HTD2: variants seen among roughly 807,000 people sequenced by gnomAD.
HTD2 encodes the protein hydroxyacyl-thioester dehydratase type 2, mitochondrial.
A neutral mutation model predicts 3.1 loss-of-function variants in HTD2; 1 was observed. The observed-to-expected ratio is 0.32, with a 90% CI of 0.11 to 1.52. The LOEUF (loss-of-function observed/expected upper bound fraction) is 1.52, where lower values mean the gene tolerates loss of function less well. Among genes scored for constraint, HTD2 ranks in the 40% most tolerant of loss-of-function variants. The pLI, the probability that HTD2 is intolerant of heterozygous loss-of-function variation, is 0.39. For synonymous variants in HTD2, 50 were observed against 28.9 expected (o/e 1.73, Z -2.34); for missense variants, 150 against 79.6 (o/e 1.88, Z -3.36).
At chr3:58,309,785 G>T (rs536539410) in intron 1 of HTD2, among the ~76,000 whole-genome samples, 1 of 152,222 alleles carries the variant, frequency 6.6e-6, no homozygotes, top group South Asian at 2.1e-4. Context: ...CCAGCTACTC[G>T]GGAGGCTGAG....
intron 2 of HTD2, among the ~76,000 whole-genome samples, chr3:58,315,037 C>CT (rs1687904972): frequency 6.6e-6 from 1 of 152,110 alleles, no homozygotes; most frequent in Admixed American, 6.6e-5. Flanking sequence ...CCAGCATTAG[C>CT]ACTCCTGGGC....
At chr3:58,307,091 C>T (rs116365502) in intron 1 of HTD2, among the ~76,000 whole-genome samples, 1 of 152,008 alleles carries the variant, frequency 6.6e-6, no homozygotes, top group South Asian at 2.1e-4. Flanking sequence ...GAGCCGAGGC[C>T]CAGCGGTGGG....
chr3:58,311,136 TTTG>T (rs144147590), intron 2 of HTD2, among the ~76,000 whole-genome samples: 102,310 of 150,092 alleles, frequency 0.68, 35,519 homozygotes, highest in East Asian at 0.99. Flanking sequence ...AAATCTACTT[TTTG>T]TTGTTGTTGT....
Position 58,317,619 on chromosome 3 carries a change from C to T in HTD2, c.6C>T (p.Phe2=), listed in dbSNP as rs1228858756. 1.3e-6 allele frequency: 1 copy of T among 761,254 alleles called. No homozygotes were observed. Among genetic ancestry groups the T allele is most frequent in the Non-Finnish European group, 2.3e-6 (1 of 434,380 alleles). The allele number at this position is 761,254 out of a possible 1,614,324, so 47.2% of individuals were successfully genotyped here. ...GAAATTTGAGGGTGCTGAAGATGTT[C>T]CCACTAATTTCCAGCCATCACCTTT... is the stretch of plus-strand genomic sequence containing the variant. M[F]PLISSHHLWW... The change falls in exon 5 of 5, where the codon TTC becomes TTT. Residue 2 remains phenylalanine, a synonymous_variant. Transcript: ENST00000461393.
chr3:58,310,328 A>T (rs1253254019), intron 1 of HTD2, 179 bp from the exon 2 acceptor site: 2 of 1,613,968 alleles, frequency 1.2e-6, no homozygotes, highest in Admixed American at 1.7e-5. Flanking sequence ...GCACTGGAAA[A>T]GATGCCTGCC....
intron 3 of HTD2, 124 bp from the exon 4 acceptor site, chr3:58,316,791 G>A (rs959211394): frequency 3.2e-6 from 3 of 929,212 alleles, no homozygotes; most frequent in Non-Finnish European, 5.0e-6. Flanking sequence ...TTTGGTTACA[G>A]CTGTAGTTTT....
rs1225736682 is a variant in HTD2, at chr3:58,317,874, G to A, written c.261G>A (p.Leu87=). Reference sequence around the variant, plus strand: ...GAAATACAATTGTACATGGAGTTTTGATCAACGGACTTATCTCAGCTCTCC... The same window carrying A: ...GAAATACAATTGTACATGGAGTTTTAATCAACGGACTTATCTCAGCTCTCC... ...KFGNTIVHGV[L]INGLISALLG... The change falls in exon 5 of 5, where the codon TTG becomes TTA. Residue 87 remains leucine, a synonymous_variant. Coordinates refer to ENST00000461393, the MANE Select transcript of HTD2 (RefSeq NM_001348712.2). The A allele has an allele frequency of 1.4e-6, 1 of 703,030 alleles. No individual in the cohort carries two copies. The highest frequency in any genetic ancestry group is 2.6e-6 in the Non-Finnish European group (1 of 385,010). The allele number at this position is 703,030 out of a possible 1,614,324, so 43.5% of individuals were successfully genotyped here.
At chr3:58,316,364 C>T in intron 2 of HTD2, 151 bp from the exon 3 acceptor site, 1 of 647,386 alleles carries the variant, frequency 1.5e-6, no homozygotes, top group Admixed American at 2.5e-5. Flanking sequence ...GCAGGGGGAG[C>T]TGTAAGTAGG....
intron 2 of HTD2, among the ~76,000 whole-genome samples, chr3:58,314,350 C>CA (rs1356059660): frequency 6.6e-6 from 1 of 151,542 alleles, no homozygotes; most frequent in Non-Finnish European, 1.5e-5. Context: ...GACTCTGTCT[C>CA]AAAAAAATAA....
chr3:58,315,174 T>C (rs560447426), intron 2 of HTD2, among the ~76,000 whole-genome samples: 2 of 152,254 alleles, frequency 1.3e-5, no homozygotes, highest in East Asian at 3.9e-4. Context: ...GTGAATAAAC[T>C]GTGGTACATT....
rs951785000 is a variant in HTD2, at chr3:58,319,130, A to G, written c.*1010A>G. 8 of 152,334 alleles carry G rather than the reference A, an allele frequency of 5.3e-5. No individual in the cohort carries two copies. Among genetic ancestry groups the G allele is most frequent in the Middle Eastern group, 3.4e-3 (1 of 294 alleles). 9.4% of individuals were successfully genotyped at this position (152,334 alleles called of 1,614,324 possible). A position where few individuals can be genotyped will look rare whatever the true frequency, so the allele number is the denominator to read the frequency against. Reference sequence around the variant, plus strand: ...TGTGTAACAATTATTGAAGGCGAAAATAGAAGTTGGGTCATCTTTGAACAC... The same window carrying G: ...TGTGTAACAATTATTGAAGGCGAAAGTAGAAGTTGGGTCATCTTTGAACAC... On this transcript the variant is annotated 3_prime_UTR_variant, in exon 5 of 5. Coordinates refer to ENST00000461393, the MANE Select transcript of HTD2 (RefSeq NM_001348712.2).
chr3:58,310,781 T>G (rs979568037), intron 2 of HTD2, among the ~76,000 whole-genome samples, 190 bp downstream of exon 2: 4 of 151,960 alleles, frequency 2.6e-5, no homozygotes, highest in African/African-American at 7.2e-5. Flanking sequence ...ACTGCAAAGA[T>G]AAGCTGGGTG....
chr3:58,318,425 C>G lies in HTD2; in HGVS notation c.*305C>G, dbSNP rs1184521502. On this transcript the variant is annotated 3_prime_UTR_variant, in exon 5 of 5. Transcript: ENST00000461393. The stretch of plus-strand genomic sequence containing the variant: ...GTAATCCTGGCACTTTGGGAGGCTG[C>G]GGCAGGCGGATCACTTGAGGTCAGG... 1 of 177,880 alleles carries G rather than the reference C, an allele frequency of 5.6e-6. No homozygotes were observed. Among genetic ancestry groups the G allele is most frequent in the Non-Finnish European group, 1.1e-5 (1 of 89,192 alleles). 11.0% of individuals were successfully genotyped at this position (177,880 alleles called of 1,614,324 possible). A position where few individuals can be genotyped will look rare whatever the true frequency, so the allele number is the denominator to read the frequency against.
Position 58,318,222 on chromosome 3 carries a change from G to T in HTD2, c.*102G>T, listed in dbSNP as rs755867595. 5.1e-6 allele frequency: 3 copies of T among 588,254 alleles called. No individual in the cohort carries two copies. Among genetic ancestry groups the T allele is most frequent in the Non-Finnish European group, 9.0e-6 (3 of 334,972 alleles). The allele number at this position is 588,254 out of a possible 1,614,324, so 36.4% of individuals were successfully genotyped here. A position where few individuals can be genotyped will look rare whatever the true frequency, so the allele number is the denominator to read the frequency against. On this transcript the variant is annotated 3_prime_UTR_variant, in exon 5 of 5. Transcript: ENST00000461393. ...CAAAGAATGGTTGATAGGCCCAGAAGCCCATCTTAGTTAGGGGAAGGGAGC... is the reference window on the plus strand; with the variant it reads ...CAAAGAATGGTTGATAGGCCCAGAATCCCATCTTAGTTAGGGGAAGGGAGC...
rs951125821 is a variant in HTD2, at chr3:58,319,785, T to C, written c.*1665T>C. 6.6e-6 allele frequency: 1 copy of C among 152,128 alleles called. No individual in the cohort carries two copies. Among genetic ancestry groups the C allele is most frequent in the Admixed American group, 6.6e-5 (1 of 15,262 alleles). 9.4% of individuals were successfully genotyped at this position (152,128 alleles called of 1,614,324 possible). A position where few individuals can be genotyped will look rare whatever the true frequency, so the allele number is the denominator to read the frequency against. ...GGCCATCCCAACACAGCCAACACTT[T>C]TGTTTCCCATTTTTTTTTGTTTCCC... On this transcript the variant is annotated 3_prime_UTR_variant, in exon 5 of 5. Coordinates refer to ENST00000461393, the MANE Select transcript of HTD2 (RefSeq NM_001348712.2).
At position 58,308,283 on chromosome 3, in the gene HTD2, T is replaced by G. The variant is rs1160061153; in HGVS notation, c.-416+1632T>G. On this transcript the variant is annotated intron_variant, in intron 1 of 4. Coordinates refer to ENST00000461393, the MANE Select transcript of HTD2 (RefSeq NM_001348712.2). The stretch of plus-strand genomic sequence containing the variant: ...ACTTTGTGTCATAGTATTACAGTAT[T>G]TTTTGTTTGTTTGTTTTGGAGACAG... Among the ~76,000 whole-genome samples the G allele has an allele frequency of 1.3e-5, 2 of 152,146 alleles. 1 individual carries two copies. The highest frequency in any genetic ancestry group is 4.8e-5 in the African/African-American group (2 of 41,492).
chr3:58,312,079 C>T (rs1036555386), intron 2 of HTD2, among the ~76,000 whole-genome samples: 1 of 151,588 alleles, frequency 6.6e-6, no homozygotes, highest in African/African-American at 2.4e-5. Context: ...TGCCCAGGCT[C>T]CTGGACTCAA....
intron 1 of HTD2, chr3:58,307,662 G>A (rs1468634259): frequency 1.3e-5 from 2 of 152,230 alleles, no homozygotes; most frequent in African/African-American, 4.8e-5. Context: ...AAGCACTCCA[G>A]CCTGGGCGAC....
chr3:58,308,748 T>A (rs747257772), intron 1 of HTD2, among the ~76,000 whole-genome samples: 10 of 152,154 alleles, frequency 6.6e-5, no homozygotes, highest in Non-Finnish European at 1.2e-4. Flanking sequence ...GGCCTCAGTT[T>A]CCTGTTCCCT....
Sources: allele counts gnomAD v4.1 joint callset (sites outside exome capture counted in the v4.1 genomes callset), GRCh38; gene constraint gnomAD v4.1.1; transcripts MANE v1.5; gene names NCBI Gene and HGNC (gene_info 2026-07-23, HGNC 2026-07-21).